The following CHD2 variants were observed in gnomAD, a reference collection of about 807,000 sequenced individuals.
CHD2 encodes ATP-dependent chromatin remodeler CHD2.
Under a neutral mutation model 243.9 loss-of-function variants are expected in CHD2, and 28 were observed. The observed-to-expected ratio is 0.11, with a 90% CI of 0.09 to 0.16. The LOEUF (loss-of-function observed/expected upper bound fraction) is 0.16, where lower values mean the gene tolerates loss of function less well. Among genes scored for constraint, CHD2 ranks in the 10% least tolerant of loss-of-function variants. The pLI, the probability that CHD2 is intolerant of heterozygous loss-of-function variation, is 1.00. For missense variants in CHD2, 1,386 were observed against 2,209.8 expected (o/e 0.63, Z 7.47); for synonymous variants, 775 against 779.0 (o/e 0.99, Z 0.09).
chr15:92,935,566 G>T (rs1391097709), intron 5 of CHD2, among the ~76,000 whole-genome samples: 95 of 152,288 alleles, frequency 6.2e-4, no homozygotes, highest in Admixed American at 1.3e-3. Flanking sequence ...TGAAGGACTA[G>T]CTGTTCATAT....
At chr15:92,946,531 G>C (rs1213694748) in intron 12 of CHD2, 1 of 162,778 alleles carries the variant, frequency 6.1e-6, no homozygotes. Flanking sequence ...GTGTCGCCCA[G>C]GCTGGAGTGC....
At chr15:92,939,332 A>T (rs2053319778) in intron 6 of CHD2, among the ~76,000 whole-genome samples, 1 of 152,220 alleles carries the variant, frequency 6.6e-6, no homozygotes, top group African/African-American at 2.4e-5. Flanking sequence ...TTTGTGAAAC[A>T]TTCACGTTCT....
chr15:92,919,570 G>C (rs1401454922), intron 2 of CHD2, among the ~76,000 whole-genome samples: 2 of 151,708 alleles, frequency 1.3e-5, no homozygotes, highest in Non-Finnish European at 2.9e-5. Flanking sequence ...TTTTGTATTT[G>C]TAGTAGAGAT....
chr15:92,982,219 A>G (rs1333284088), intron 24 of CHD2, among the ~76,000 whole-genome samples: 1 of 152,258 alleles, frequency 6.6e-6, no homozygotes, highest in Non-Finnish European at 1.5e-5. Flanking sequence ...TGGCCTTGGA[A>G]AGAAAAAGGA....
At chr15:92,910,457 G>C (rs890461780) in intron 2 of CHD2, among the ~76,000 whole-genome samples, 1 of 152,110 alleles carries the variant, frequency 6.6e-6, no homozygotes, top group Middle Eastern at 3.4e-3. Context: ...CAGTGGCGCC[G>C]TCTCAGCTCA....
At chr15:93,023,034 T>C (rs80093041) in intron 38 of CHD2, among the ~76,000 whole-genome samples, 8,507 of 152,324 alleles carry the variant, frequency 0.056, 255 homozygotes, top group Middle Eastern at 0.11. Context: ...TGAGGTGAAA[T>C]TCATATTACA....
At chr15:92,967,294 G>A in intron 16 of CHD2, 31 bp from the exon 17 acceptor site, 1 of 1,451,138 alleles carries the variant, frequency 6.9e-7, no homozygotes, top group Non-Finnish European at 9.3e-7. Context: ...CCTCAATGTG[G>A]CTAAATAACA....
chr15:92,979,710 G>C (rs987465550), intron 22 of CHD2, among the ~76,000 whole-genome samples: 4 of 151,780 alleles, frequency 2.6e-5, no homozygotes, highest in African/African-American at 9.7e-5. Context: ...TAAAAAGAAA[G>C]TAATGAAGTT....
At chr15:92,986,448 CTTCT>C (rs765735033) in intron 26 of CHD2, among the ~76,000 whole-genome samples, 3 of 152,024 alleles carry the variant, frequency 2.0e-5, no homozygotes, top group Non-Finnish European at 2.9e-5. Flanking sequence ...CACACCTATT[CTTCT>C]TTCTTTGTTT....
chr15:92,923,859 C>T (rs962683234), intron 2 of CHD2, among the ~76,000 whole-genome samples: 10 of 152,092 alleles, frequency 6.6e-5, no homozygotes, highest in East Asian at 1.9e-4. Flanking sequence ...CCACCGCGCC[C>T]GGCCTGCTTG....
chr15:92,911,594 TG>T (rs559372092), intron 2 of CHD2, among the ~76,000 whole-genome samples: 1 of 152,004 alleles, frequency 6.6e-6, no homozygotes, highest in African/African-American at 2.4e-5. Flanking sequence ...AAAAATTAGC[TG>T]GATGTGGTGG....
At chr15:92,929,131 T>G (rs2053118553) in intron 5 of CHD2, 40 bp downstream of exon 5, 1 of 1,558,776 alleles carries the variant, frequency 6.4e-7, no homozygotes, top group Admixed American at 1.8e-5. Flanking sequence ...TCTAGTAGTT[T>G]CAAACTTGTC....
intron 28 of CHD2, 111 bp from the exon 29 acceptor site, chr15:92,996,843 CAAT>C (rs2054194880): frequency 9.8e-7 from 1 of 1,016,704 alleles, no homozygotes; most frequent in Non-Finnish European, 1.4e-6. Flanking sequence ...TTCAAAATAA[CAAT>C]AAGCCAGAGA....
chr15:92,957,611 C>G (rs967710280), intron 16 of CHD2, among the ~76,000 whole-genome samples: 73 of 151,592 alleles, frequency 4.8e-4, no homozygotes, highest in African/African-American at 1.7e-3. Context: ...GTAAACAATT[C>G]AGTTAATAGT....
intron 2 of CHD2, 61 bp downstream of exon 2, chr15:92,901,360 C>G (rs1299959146): frequency 1.0e-6 from 1 of 969,610 alleles, no homozygotes; most frequent in East Asian, 2.6e-5. Flanking sequence ...CCTCAGCTTA[C>G]AATTGTTTAC....
chr15:92,990,192 G>C (rs972051433), intron 26 of CHD2, among the ~76,000 whole-genome samples: 1 of 152,182 alleles, frequency 6.6e-6, no homozygotes, highest in Non-Finnish European at 1.5e-5. Context: ...TGGGGGAATA[G>C]GGCTTTTGGA....
intron 26 of CHD2, among the ~76,000 whole-genome samples, chr15:92,990,574 A>T (rs1162472815): frequency 1.3e-5 from 2 of 152,192 alleles, no homozygotes; most frequent in Non-Finnish European, 2.9e-5. Context: ...TTAAGGAGTA[A>T]TCCTCAGGTT....
At chr15:92,946,768 G>T (rs764081429) in intron 12 of CHD2, 4 of 152,358 alleles carry the variant, frequency 2.6e-5, no homozygotes, top group Admixed American at 2.6e-4. Context: ...GATTACAGGC[G>T]TGAGCCACCA....
At chr15:92,979,886 C>T (rs981440747) in intron 22 of CHD2, among the ~76,000 whole-genome samples, 4 of 151,286 alleles carry the variant, frequency 2.6e-5, no homozygotes, top group Non-Finnish European at 5.9e-5. Flanking sequence ...CCACTGCAGT[C>T]CAGCCTGGGC....
Sources: allele counts gnomAD v4.1 joint callset (sites outside exome capture counted in the v4.1 genomes callset), GRCh38; gene constraint gnomAD v4.1.1; transcripts MANE v1.5; gene names NCBI Gene and HGNC (gene_info 2026-07-23, HGNC 2026-07-21).